Variants in G2E3 observed in about 807,000 individuals in gnomAD.
G2E3 encodes G2/M-phase specific E3 ubiquitin protein ligase.
G2E3 carries 35 observed loss-of-function variants against 92.8 expected under a neutral mutation model. That is an observed-to-expected ratio of 0.38 (90% CI 0.29 to 0.50). The LOEUF is 0.50. Among genes scored for constraint, G2E3 ranks in the 20% least tolerant of loss-of-function variants. G2E3 has a pLI of 0.94. For synonymous variants in G2E3, 242 were observed against 272.4 expected, an observed-to-expected ratio of 0.89 and a Z score of 1.10; for missense variants, 554 against 823.8, an observed-to-expected ratio of 0.67 and a Z score of 4.01.
intron 1 of G2E3, among the ~76,000 whole-genome samples, chr14:30,564,667 G>A (rs960720794): frequency 1.2e-4 from 19 of 152,180 alleles, no homozygotes; most frequent in African/African-American, 4.6e-4. Context: ...ACATTTCAGT[G>A]ACAGTACATT....
chr14:30,606,058 C>A (rs1881817905), intron 11 of G2E3, among the ~76,000 whole-genome samples: 1 of 151,922 alleles, frequency 6.6e-6, no homozygotes, highest in Non-Finnish European at 1.5e-5. Flanking sequence ...TTAAAATAAT[C>A]CATAATTAAG....
intron 2 of G2E3, among the ~76,000 whole-genome samples, chr14:30,584,006 A>G (rs1880572549): frequency 6.6e-6 from 1 of 152,202 alleles, no homozygotes; most frequent in Admixed American, 6.5e-5. Flanking sequence ...GTACCTATTA[A>G]GTAGTCACCC....
intron 12 of G2E3, 118 bp from the exon 13 acceptor site, chr14:30,612,083 GTTTACT>G (rs1034648282): frequency 6.4e-6 from 4 of 626,904 alleles, no homozygotes; most frequent in African/African-American, 1.9e-5. Context: ...ATATTTCTTG[GTTTACT>G]TTTACTGCAC....
At chr14:30,604,989 C>G (rs1347569145) in intron 10 of G2E3, among the ~76,000 whole-genome samples, 1 of 152,082 alleles carries the variant, frequency 6.6e-6, no homozygotes, top group Non-Finnish European at 1.5e-5. Context: ...CTCTGCTTCC[C>G]GGGTTCAAGT....
intron 1 of G2E3, among the ~76,000 whole-genome samples, chr14:30,569,749 G>A (rs1879648776): frequency 1.3e-5 from 2 of 152,052 alleles, no homozygotes; most frequent in Non-Finnish European, 2.9e-5. Flanking sequence ...GAAGGGGGGG[G>A]ATTATATTAC....
chr14:30,592,188 A>T (rs1881048281), intron 4 of G2E3, 135 bp from the exon 5 acceptor site: 1 of 727,750 alleles, frequency 1.4e-6, no homozygotes, highest in Admixed American at 2.9e-5. Flanking sequence ...AATTTATTTA[A>T]TATACCCTTA....
intron 1 of G2E3, among the ~76,000 whole-genome samples, chr14:30,562,529 G>A (rs1297305457): frequency 6.6e-6 from 1 of 152,150 alleles, no homozygotes; most frequent in Non-Finnish European, 1.5e-5. Flanking sequence ...GTTGCCAAGA[G>A]GACCATGGTC....
intron 5 of G2E3, among the ~76,000 whole-genome samples, chr14:30,593,161 A>T (rs1011481669): frequency 2.6e-5 from 4 of 152,154 alleles, no homozygotes; most frequent in Non-Finnish European, 5.9e-5. Flanking sequence ...CAACGTATGC[A>T]CCCATTTGTT....
At chr14:30,590,804 G>C (rs1456843452) in intron 4 of G2E3, 9 of 453,568 alleles carry the variant, frequency 2.0e-5, no homozygotes, top group Non-Finnish European at 4.0e-5. Flanking sequence ...CCTGGTGATA[G>C]TGAGCTTGTG....
Position 30,616,343 on chromosome 14 carries a change from C to T in G2E3, c.1930C>T (p.Pro644Ser). 1 of 1,610,414 alleles carries T rather than the reference C, an allele frequency of 6.2e-7. No individual in the cohort carries two copies. Among genetic ancestry groups the T allele is most frequent in the Non-Finnish European group, 8.5e-7 (1 of 1,176,850 alleles). Residue 644 changes from proline to serine, a missense_variant, in exon 15 of 15, where the codon CCA becomes TCA. Around this residue, in one of 3 missense-constraint regions of G2E3, gnomAD observed 397 missense variants for 560.3 expected, o/e 0.71. Transcript: ENST00000206595. The stretch of plus-strand genomic sequence containing the variant: ...TGCAACTGGTTGCAGTTCCATTCCT[C>T]CAGCTGGATTTAAACCCACTCCTTC... ...IFATGCSSIP[P>S]AGFKPTPSIE... is the part of the protein sequence containing the mutation.
intron 1 of G2E3, among the ~76,000 whole-genome samples, chr14:30,578,006 T>A (rs1880215493): frequency 6.6e-6 from 1 of 152,198 alleles, no homozygotes; most frequent in African/African-American, 2.4e-5. Context: ...TATTTTTTTT[T>A]AATTCTGCTT....
At chr14:30,577,093 C>T (rs1267070293) in intron 1 of G2E3, among the ~76,000 whole-genome samples, 19 of 151,794 alleles carry the variant, frequency 1.3e-4, no homozygotes, top group African/African-American at 3.4e-4. Context: ...GGCGTGGTGG[C>T]GTATGCCTGT....
intron 12 of G2E3, among the ~76,000 whole-genome samples, chr14:30,609,645 A>G (rs1319495473): frequency 6.6e-6 from 1 of 152,200 alleles, no homozygotes; most frequent in African/African-American, 2.4e-5. Context: ...GGACTTTTAT[A>G]TACAGATAAG....
chr14:30,590,595 C>T (rs1406971349), intron 4 of G2E3: 1 of 449,946 alleles, frequency 2.2e-6, no homozygotes, highest in Non-Finnish European at 4.5e-6. Context: ...AAGGGAAGCA[C>T]ATAAGAAACA....
In G2E3 at chr14:30,612,485, A is replaced by G. The variant is rs1882139995; in HGVS notation, c.1673+106A>G. 3 of 735,762 alleles carry G rather than the reference A, an allele frequency of 4.1e-6. No homozygotes were observed. In the South Asian group the frequency reaches 6.6e-5, roughly 16 times the overall value. 45.6% of individuals were successfully genotyped at this position (735,762 alleles called of 1,614,324 possible). On this transcript the variant is annotated intron_variant, in intron 13 of 14. Coordinates refer to ENST00000206595, the MANE Select transcript of G2E3 (RefSeq NM_017769.5). ...TGGTAATAAGTGAGATGTTTTTCTC[A>G]GAAAAAAATTTAAATGCTATTTTTA...
chr14:30,582,624 G>T (rs1005125524), intron 2 of G2E3, among the ~76,000 whole-genome samples: 5 of 152,198 alleles, frequency 3.3e-5, no homozygotes, highest in African/African-American at 1.2e-4. Context: ...ATGCACACTT[G>T]CGGGTAAAAG....
chr14:30,602,204 T>C, intron 10 of G2E3, 73 bp downstream of exon 10: 1 of 1,164,850 alleles, frequency 8.6e-7, no homozygotes, highest in Non-Finnish European at 1.2e-6. Context: ...GCCATATACA[T>C]TTAGAATATT....
intron 14 of G2E3, 79 bp downstream of exon 14, chr14:30,615,618 A>G (rs1451667139): frequency 1.1e-6 from 1 of 898,608 alleles, no homozygotes; most frequent in Middle Eastern, 2.5e-4. Flanking sequence ...TTATTTGTGT[A>G]TGTTTTGCCT....
chr14:30,594,099 A>G (rs1881151656), intron 6 of G2E3, among the ~76,000 whole-genome samples: 1 of 152,200 alleles, frequency 6.6e-6, no homozygotes, highest in Non-Finnish European at 1.5e-5. Flanking sequence ...ATTACTGTCA[A>G]TTAATTAAAA....
Sources: gnomAD v4.1 joint callset for allele counts (sites outside exome capture counted in the v4.1 genomes callset) on GRCh38, gnomAD v4.1.1 for gene constraint, gnomAD v4.1.1 regional missense constraint, MANE v1.5 for transcripts, NCBI Gene and HGNC (gene_info 2026-07-23, HGNC 2026-07-21) for gene names.